The following SCRIB variants were observed in gnomAD, a reference collection of about 807,000 sequenced individuals.
SCRIB encodes the protein protein scribble homolog.
In SCRIB, 72 loss-of-function variants were observed where a neutral mutation model predicts 170.0. The observed-to-expected ratio is 0.42, with a 90% CI of 0.35 to 0.52. The LOEUF is 0.52. SCRIB is among the 20% of genes least tolerant of loss of function. The pLI, the probability that SCRIB is intolerant of heterozygous loss-of-function variation, is 0.02. For synonymous variants in SCRIB, 1,298 were observed against 1,044.3 expected (o/e 1.24, Z -4.68); for missense variants, 2,475 against 2,338.5 (o/e 1.06, Z -1.20).
chr8:143,807,189 A>C (rs1554636836), intron 16 of SCRIB, among the ~76,000 whole-genome samples, 176 bp from the exon 17 acceptor site: 1 of 152,228 alleles, frequency 6.6e-6, no homozygotes, highest in African/African-American at 2.4e-5. Flanking sequence ...AGAAGCCCCA[A>C]GACCCCAGCA....
rs529175156 is a variant in SCRIB, at chr8:143,808,382, C to T, written c.2115+227G>A. Among the ~76,000 whole-genome samples, 20 of 145,992 alleles carry T rather than the reference C, an allele frequency of 1.4e-4. 1 individual carries two copies. The highest frequency in any genetic ancestry group is 3.7e-4 in the African/African-American group (15 of 40,012). On this transcript the variant is annotated intron_variant, in intron 15 of 36. Transcript: ENST00000356994. ...GGGTCCAAGCATGGACTGAGACCAA[C>T]GCCAGGGCAGGCCTGGAGTCCAAGC...
rs1554632805 is a variant in SCRIB at position 143,791,910 on chromosome 8, A to G, written c.4661T>C (p.Leu1554Pro). The G allele has an allele frequency of 2.7e-6, 4 of 1,486,304 alleles. No individual in the cohort carries two copies. Among genetic ancestry groups the G allele is most frequent in the Non-Finnish European group, 3.6e-6 (4 of 1,119,398 alleles). 92.1% of individuals were successfully genotyped at this position (1,486,304 alleles called of 1,614,324 possible). ...PTPSPTPVED[L>P]GPQTSTSPGR... ...CGGGGAGGTGCTGGTCTGGGGGCCG[A>G]GGTCTGGGGGGACAAGAAGCGGGCA... The change falls in exon 34 of 37, where the codon CTC becomes CCC. Residue 1554 changes from leucine (L) to proline (P), a missense_variant. By Grantham distance (98) the Leu-to-Pro change is moderately conservative (BLOSUM62 -3). Coordinates refer to ENST00000356994, the MANE Select transcript of SCRIB (RefSeq NM_182706.5).
rs201052379 is a variant in SCRIB at position 143,804,036 on chromosome 8, G to C, written c.3120+10C>G. On this transcript the variant is annotated intron_variant, in intron 22 of 36. Transcript: ENST00000356994. Reference sequence around the variant, plus strand: ...ACCTCTCACAGAACCGCCTGGATGGGCCGCCCTACCTTGGAGATGAACACA... The same window carrying C: ...ACCTCTCACAGAACCGCCTGGATGGCCCGCCCTACCTTGGAGATGAACACA... 2.3e-3 allele frequency: 3,610 copies of C among 1,599,500 alleles called. 10 individuals carry two copies. The highest frequency in any genetic ancestry group is 2.7e-3 in the Non-Finnish European group (3,119 of 1,170,700).
chr8:143,791,505 G>A, intron 35 of SCRIB, 65 bp from the exon 36 acceptor site: 2 of 1,596,512 alleles, frequency 1.3e-6, no homozygotes, highest in Non-Finnish European at 1.7e-6. Context: ...AGGTGGACGG[G>A]TGGGCTCCCA....
chr8:143,792,964 G>C lies in SCRIB; in HGVS notation c.4017+12C>G. Reference sequence around the variant, plus strand: ...ACCACGCGCAGCAGGGAGGCGTGCTGCCCCCACACACCTGGGCAGGGGCAT... The same window carrying C: ...ACCACGCGCAGCAGGGAGGCGTGCTCCCCCCACACACCTGGGCAGGGGCAT... On this transcript the variant is annotated intron_variant, in intron 29 of 36. Transcript: ENST00000356994. The C allele has an allele frequency of 6.7e-7, 1 of 1,502,966 alleles. No homozygotes were observed. Among genetic ancestry groups the C allele is most frequent in the Non-Finnish European group, 8.9e-7 (1 of 1,127,084 alleles). 93.1% of individuals were successfully genotyped at this position (1,502,966 alleles called of 1,614,324 possible).
rs377094318 is a variant in SCRIB at position 143,804,697 on chromosome 8, T to C, written c.2880A>G (p.Pro960=). 5.1e-6 allele frequency: 8 copies of C among 1,572,988 alleles called. No homozygotes were observed. Among genetic ancestry groups the C allele is most frequent in the Non-Finnish European group, 6.0e-6 (7 of 1,157,278 alleles). ...CAGCAGCGGTGGGGGGTGAGGAATG[T>C]GGCAGAGGGCTGGGAGGAAGAGGGC... ...AGGPLPPSPL[P]HSSPPTAAVA... is the part of the protein sequence containing the mutation. The change falls in exon 21 of 37, where the codon CCA becomes CCG. Residue 960 remains proline, a synonymous_variant. Transcript: ENST00000356994.
chr8:143,791,485 C>T, intron 35 of SCRIB, 45 bp from the exon 36 acceptor site: 1 of 1,602,342 alleles, frequency 6.2e-7, no homozygotes, highest in Non-Finnish European at 8.5e-7. Context: ...AGCCCTGCCC[C>T]AAACCACCCA....
chr8:143,794,917 T>G, intron 27 of SCRIB, 121 bp downstream of exon 27: 6 of 925,328 alleles, frequency 6.5e-6, no homozygotes, highest in Non-Finnish European at 1.0e-5. Flanking sequence ...AGACGTGGCC[T>G]CCTCCCACCC....
Position 143,810,888 on chromosome 8 carries a change from CG to C in SCRIB, c.1273+17del, listed in dbSNP as rs1815683323. The C allele has an allele frequency of 6.2e-7, 1 of 1,610,182 alleles. No individual in the cohort carries two copies. The highest frequency in any genetic ancestry group is 1.3e-5 in the African/African-American group (1 of 74,918). ...CTGAGAGCCACCCCGCGCTAAGCACCGGTTGCCAACAACCTACCGAGGCTGG... is the reference window on the plus strand; with the variant it reads ...CTGAGAGCCACCCCGCGCTAAGCACCGTTGCCAACAACCTACCGAGGCTGG... On this transcript the variant is annotated intron_variant, in intron 11 of 36. Transcript: ENST00000356994.
rs1554636086 is a variant in SCRIB, at chr8:143,805,009, G to A, written c.2676C>T (p.Ile892=). The A allele has an allele frequency of 6.3e-7, 1 of 1,587,308 alleles. No individual in the cohort carries two copies. Among genetic ancestry groups the A allele is most frequent in the South Asian group, 1.1e-5 (1 of 87,654 alleles). ...CGCCCTCGGCAATGCGGGAGACGAA[G>A]ATGCCCTGCAGGGGAGGGTGGAGGA... The part of the protein sequence containing the change: ...STPYRAGDAG[I]FVSRIAEGGA... Residue 892 remains isoleucine, a synonymous_variant, in exon 20 of 37, where the codon ATC becomes ATT. Transcript: ENST00000356994.
chr8:143,807,093 G>C (rs1053809209), intron 16 of SCRIB, 80 bp from the exon 17 acceptor site: 1 of 1,007,970 alleles, frequency 9.9e-7, no homozygotes, highest in Non-Finnish European at 1.5e-6. Flanking sequence ...CCACCAGCAC[G>C]CAGATGCCAT....
chr8:143,812,127 A>G, intron 9 of SCRIB, 139 bp downstream of exon 9: 1 of 728,700 alleles, frequency 1.4e-6, no homozygotes, highest in South Asian at 1.5e-5. Flanking sequence ...TCCCCCTCTG[A>G]CAAGAGAAGA....
Position 143,809,550 on chromosome 8 carries a change from C to T in SCRIB, c.1698+1G>A. The T allele has an allele frequency of 6.2e-7, 1 of 1,609,110 alleles. No homozygotes were observed. Among genetic ancestry groups the T allele is most frequent in the Non-Finnish European group, 8.5e-7 (1 of 1,178,338 alleles). ...CCTGCCTCCTTCCTGCCAATCCACACCTCCTGGTAGTCCTCTTCGGCGTCT... is the reference window on the plus strand; with the variant it reads ...CCTGCCTCCTTCCTGCCAATCCACATCTCCTGGTAGTCCTCTTCGGCGTCT... On this transcript the variant is annotated splice_donor_variant, in intron 14 of 36. Coordinates refer to ENST00000356994, the MANE Select transcript of SCRIB (RefSeq NM_182706.5). LOFTEE classifies it high-confidence loss of function.
chr8:143,794,024 G>T, intron 27 of SCRIB, 62 bp from the exon 28 acceptor site: 1 of 1,533,772 alleles, frequency 6.5e-7, no homozygotes, highest in South Asian at 1.1e-5. Context: ...GACCAGGAGG[G>T]ACTGGGGGCC....
intron 20 of SCRIB, 51 bp from the exon 21 acceptor site, chr8:143,804,876 G>C: frequency 6.5e-7 from 1 of 1,532,306 alleles, no homozygotes; most frequent in Non-Finnish European, 8.7e-7. Context: ...AGGGGACAGA[G>C]GGCGCGGGGC....
intron 9 of SCRIB, among the ~76,000 whole-genome samples, chr8:143,812,005 C>T (rs1815751429): frequency 6.6e-6 from 1 of 152,306 alleles, no homozygotes; most frequent in East Asian, 1.9e-4. Context: ...TCTGTAACCG[C>T]TCCCCAGTGT....
chr8:143,805,420 G>C lies in SCRIB; in HGVS notation c.2362C>G (p.Leu788Val). ...DKLLEVNGVA[L>V]QGAEHHEAVE... ...GCCTCGTGGTGCTCGGCGCCCTGCA[G>C]AGCCACACCATTCACCTGCGGGCCA... The change falls in exon 19 of 37, where the codon CTG (leucine) becomes GTG (valine). Residue 788 changes from leucine to valine, a missense_variant. Coordinates refer to ENST00000356994, the MANE Select transcript of SCRIB (RefSeq NM_182706.5). 2 of 1,508,962 alleles carry C rather than the reference G, an allele frequency of 1.3e-6. No homozygotes were observed. Among genetic ancestry groups the C allele is most frequent in the Non-Finnish European group, 1.8e-6 (2 of 1,131,522 alleles). The allele number at this position is 1,508,962 out of a possible 1,614,324, so 93.5% of individuals were successfully genotyped here. A position where few individuals can be genotyped will look rare whatever the true frequency, so the allele number is the denominator to read the frequency against.
chr8:143,793,166 C>G (rs562342562), intron 28 of SCRIB, 83 bp from the exon 29 acceptor site: 6 of 751,354 alleles, frequency 8.0e-6, no homozygotes, highest in African/African-American at 5.5e-5. Context: ...GCTGTCCCCC[C>G]GCCTGTCCCC....
chr8:143,815,516 C>G lies in SCRIB; in HGVS notation c.-144G>C. The G allele has an allele frequency of 6.1e-6, 6 of 983,914 alleles. No homozygotes were observed. Among genetic ancestry groups the G allele is most frequent in the Non-Finnish European group, 7.2e-6 (6 of 830,020 alleles). The allele number at this position is 983,914 out of a possible 1,614,324, so 60.9% of individuals were successfully genotyped here. On this transcript the variant is annotated 5_prime_UTR_variant, in exon 1 of 37. Transcript: ENST00000356994. ...GCCCGAGACTGGACGGGGACGCGGC[C>G]GCGGCCGGCGCTGGGCCCGGCCCGC...
Sources: allele counts gnomAD v4.1 joint callset (sites outside exome capture counted in the v4.1 genomes callset), GRCh38; gene constraint gnomAD v4.1.1; transcripts MANE v1.5; gene names NCBI Gene and HGNC (gene_info 2026-07-23, HGNC 2026-07-21).